The following RSPO4 variants were observed in gnomAD, a reference collection of about 807,000 sequenced individuals.
RSPO4 encodes the protein R-spondin 4.
RSPO4 carries 23 observed loss-of-function variants against 24.8 expected under a neutral mutation model. The ratio of observed to expected loss-of-function variants is 0.93; its 90% CI spans 0.67 to 1.31. The LOEUF (loss-of-function observed/expected upper bound fraction) is 1.31, where lower values mean the gene tolerates loss of function less well. Among genes scored for constraint, RSPO4 ranks in the 40% most tolerant of loss-of-function variants. The pLI is 0.00. For synonymous variants in RSPO4, 141 were observed against 127.4 expected, an observed-to-expected ratio of 1.11 and a Z score of -0.72; for missense variants, 333 against 316.5, an observed-to-expected ratio of 1.05 and a Z score of -0.39.
rs370643773 is a variant in RSPO4 at position 1,001,739 on chromosome 20, G to A, written c.79+347C>T. Among the ~76,000 whole-genome samples the A allele has an allele frequency of 5.9e-5, 9 of 152,276 alleles. No individual in the cohort carries two copies. In the East Asian group the frequency reaches 1.5e-3, roughly 26 times the overall value. ...TGCTTGGAATGGCTTCTACGCCACT[G>A]AGTCTGTCTCCTAGTCCCTGTGCCC... On this transcript the variant is annotated intron_variant, in intron 1 of 4. Coordinates refer to ENST00000217260, the MANE Select transcript of RSPO4 (RefSeq NM_001029871.4).
intron 1 of RSPO4, among the ~76,000 whole-genome samples, chr20:984,301 T>C (rs1427809522): frequency 1.3e-5 from 2 of 151,264 alleles, no homozygotes; most frequent in Non-Finnish European, 2.9e-5. Context: ...ATCATGCCAC[T>C]ACACTCCACC....
rs564010013 is a variant in RSPO4 at position 974,046 on chromosome 20, G to A, written c.80-5908C>T. On this transcript the variant is annotated intron_variant, in intron 1 of 4. Transcript: ENST00000217260. Reference sequence around the variant, plus strand: ...CTGCCCTAAAGTCACGGGTGCAGGCGCTTGAATGTTCATTCTGTGAATCAT... The same window carrying A: ...CTGCCCTAAAGTCACGGGTGCAGGCACTTGAATGTTCATTCTGTGAATCAT... Among the ~76,000 whole-genome samples, 81 of 152,286 alleles carry A rather than the reference G, an allele frequency of 5.3e-4. No individual in the cohort carries two copies. In the South Asian group the frequency reaches 7.9e-3, roughly 15 times the overall value.
At chr20:1,001,426 G>A (rs1275951846) in intron 1 of RSPO4, among the ~76,000 whole-genome samples, 1 of 152,172 alleles carries the variant, frequency 6.6e-6, no homozygotes, top group African/African-American at 2.4e-5. Flanking sequence ...GCGGCCCCTG[G>A]TACATTTATA....
intron 4 of RSPO4, among the ~76,000 whole-genome samples, chr20:963,620 C>T (rs1423807495): frequency 1.3e-5 from 2 of 152,162 alleles, no homozygotes; most frequent in Non-Finnish European, 2.9e-5. Context: ...AGGCCACATT[C>T]TCCATGAACT....
chr20:980,155 C>T (rs1984691686), intron 1 of RSPO4, among the ~76,000 whole-genome samples: 1 of 152,188 alleles, frequency 6.6e-6, no homozygotes, highest in South Asian at 2.1e-4. Context: ...AGCAATGATG[C>T]TGCTTGCCCG....
intron 1 of RSPO4, among the ~76,000 whole-genome samples, chr20:990,139 G>C (rs899746945): frequency 6.6e-6 from 1 of 152,208 alleles, no homozygotes; most frequent in African/African-American, 2.4e-5. Context: ...AGAGGAGCCT[G>C]CCTTGTGGTC....
intron 4 of RSPO4, among the ~76,000 whole-genome samples, chr20:960,762 C>A (rs1983968256): frequency 6.6e-6 from 1 of 152,230 alleles, no homozygotes; most frequent in Non-Finnish European, 1.5e-5. Flanking sequence ...CCTGGGGCCC[C>A]CCAATCAGCA....
At chr20:988,515 A>G (rs1318987182) in intron 1 of RSPO4, among the ~76,000 whole-genome samples, 1 of 152,182 alleles carries the variant, frequency 6.6e-6, no homozygotes, top group Non-Finnish European at 1.5e-5. Flanking sequence ...AGTGCAGCAC[A>G]TAGCACATGC....
At position 996,257 on chromosome 20, in the gene RSPO4, C is replaced by G. The variant is rs114042988; in HGVS notation, c.79+5829G>C. ...ATTCCATTCCGTTACCATTCCATTC[C>G]ATTTCATTAGAAAATGCTGGCTATT... On this transcript the variant is annotated intron_variant, in intron 1 of 4. Coordinates refer to ENST00000217260, the MANE Select transcript of RSPO4 (RefSeq NM_001029871.4). Among the ~76,000 whole-genome samples the G allele has an allele frequency of 2.7e-3, 418 of 152,330 alleles. 2 individuals carry two copies. The highest frequency in any genetic ancestry group is 9.6e-3 in the African/African-American group (400 of 41,566).
chr20:996,107 G>A (rs1985275819), intron 1 of RSPO4, among the ~76,000 whole-genome samples: 1 of 152,136 alleles, frequency 6.6e-6, no homozygotes, highest in Non-Finnish European at 1.5e-5. Context: ...GAAGAGTGGA[G>A]TACATGACAG....
chr20:997,081 T>C (rs956195171), intron 1 of RSPO4, among the ~76,000 whole-genome samples: 3 of 152,240 alleles, frequency 2.0e-5, no homozygotes, highest in Non-Finnish European at 4.4e-5. Context: ...TGGCAGGCCA[T>C]TGATGCTTTC....
chr20:979,991 G>A (rs1028764928), intron 1 of RSPO4, among the ~76,000 whole-genome samples: 2 of 152,096 alleles, frequency 1.3e-5, no homozygotes, highest in African/African-American at 4.8e-5. Context: ...GATGAGCCAC[G>A]GCACACTGGA....
At chr20:962,322 G>T (rs989822457) in intron 4 of RSPO4, among the ~76,000 whole-genome samples, 2 of 152,230 alleles carry the variant, frequency 1.3e-5, no homozygotes, top group Admixed American at 1.3e-4. Flanking sequence ...CCTGGGTGAT[G>T]CAGGGAGCTA....
chr20:972,106 C>G (rs1309103356), intron 1 of RSPO4, among the ~76,000 whole-genome samples: 1 of 152,194 alleles, frequency 6.6e-6, no homozygotes, highest in Non-Finnish European at 1.5e-5. Flanking sequence ...GCTCTGCCCC[C>G]CAGGCTGAAG....
chr20:990,847 G>C (rs546129223), intron 1 of RSPO4, among the ~76,000 whole-genome samples: 35 of 152,348 alleles, frequency 2.3e-4, no homozygotes, highest in African/African-American at 8.4e-4. Flanking sequence ...CATCAGAGTA[G>C]GGGAAAGGGG....
intron 1 of RSPO4, among the ~76,000 whole-genome samples, chr20:999,501 C>T (rs552826082): frequency 9.9e-5 from 15 of 152,238 alleles, no homozygotes; most frequent in South Asian, 2.1e-4. Flanking sequence ...AGGCTATGGG[C>T]GGGGGACAGA....
At chr20:987,635 A>T (rs567820911) in intron 1 of RSPO4, among the ~76,000 whole-genome samples, 14 of 152,278 alleles carry the variant, frequency 9.2e-5, no homozygotes, top group Admixed American at 4.6e-4. Flanking sequence ...AAAATAAAAA[A>T]AAAAAATTAG....
chr20:978,023 A>G (rs563173741), intron 1 of RSPO4, among the ~76,000 whole-genome samples: 74 of 152,210 alleles, frequency 4.9e-4, no homozygotes, highest in Non-Finnish European at 9.0e-4. Context: ...CTAGGGGTAG[A>G]TTGCACCATC....
At chr20:989,647 C>G (rs1985033550) in intron 1 of RSPO4, among the ~76,000 whole-genome samples, 1 of 152,208 alleles carries the variant, frequency 6.6e-6, no homozygotes, top group Non-Finnish European at 1.5e-5. Context: ...GGCACTATCT[C>G]CACCAAACCC....
Sources: gnomAD v4.1 joint callset for allele counts (sites outside exome capture counted in the v4.1 genomes callset) on GRCh38, gnomAD v4.1.1 for gene constraint, MANE v1.5 for transcripts, NCBI Gene and HGNC (gene_info 2026-07-23, HGNC 2026-07-21) for gene names.